RBFOX1: variants seen among roughly 807,000 people sequenced by gnomAD.
RBFOX1 encodes RNA binding fox-1 homolog 1, also known as RNA binding protein fox-1 homolog 1.
Under a neutral mutation model 57.7 loss-of-function variants are expected in RBFOX1, and 8 were observed. The observed-to-expected ratio is 0.14, with a 90% confidence interval of 0.08 to 0.25. RBFOX1 has a LOEUF of 0.25. Ranked by LOEUF, RBFOX1 falls within the 10% of genes least tolerant of loss-of-function variation. The pLI, the probability that RBFOX1 is intolerant of heterozygous loss-of-function variation, is 1.00. For synonymous variants in RBFOX1, 326 were observed against 222.4 expected (o/e 1.47, Z -4.15); for missense variants, 611 against 548.5 (o/e 1.11, Z -1.14).
chr16:7,098,003 G>A (rs540984673), intron 4 of RBFOX1, among the ~76,000 whole-genome samples: 1 of 152,180 alleles, frequency 6.6e-6, no homozygotes, highest in East Asian at 1.9e-4. Context: ...ATCTTCGAGG[G>A]CATTTGACTT....
chr16:5,269,441 C>T (rs1306278828), intron 1 of RBFOX1, among the ~76,000 whole-genome samples: 2 of 152,248 alleles, frequency 1.3e-5, no homozygotes, highest in African/African-American at 4.8e-5. Context: ...TAGCATCACT[C>T]CTAATAACCC....
At chr16:7,034,578 C>A (rs1365594485) in intron 3 of RBFOX1, among the ~76,000 whole-genome samples, 1 of 151,996 alleles carries the variant, frequency 6.6e-6, no homozygotes, top group Non-Finnish European at 1.5e-5. Flanking sequence ...ATTTTAACTT[C>A]TGTGAAATAT....
chr16:7,101,904 C>G (rs777284120), intron 4 of RBFOX1, among the ~76,000 whole-genome samples: 7 of 152,048 alleles, frequency 4.6e-5, no homozygotes, highest in Non-Finnish European at 1.0e-4. Context: ...GCATGGAGAC[C>G]AGGTGTTTAC....
intron 4 of RBFOX1, among the ~76,000 whole-genome samples, chr16:7,475,800 C>T (rs1179964989): frequency 6.6e-6 from 1 of 152,042 alleles, no homozygotes; most frequent in African/African-American, 2.4e-5. Flanking sequence ...AACAGAGCAC[C>T]TGAAAGTTAT....
At chr16:5,522,779 A>G (rs2044071805) in intron 2 of RBFOX1, among the ~76,000 whole-genome samples, 1 of 152,164 alleles carries the variant, frequency 6.6e-6, no homozygotes, top group Non-Finnish European at 1.5e-5. Context: ...AAATAGGAGT[A>G]AGAATGCGTC....
At chr16:5,552,123 C>T (rs2045489642) in intron 2 of RBFOX1, among the ~76,000 whole-genome samples, 1 of 152,128 alleles carries the variant, frequency 6.6e-6, no homozygotes, top group Non-Finnish European at 1.5e-5. Flanking sequence ...ATGTAGTCAG[C>T]CCAGTCTGGT....
At chr16:7,345,436 G>T (rs2096979350) in intron 4 of RBFOX1, among the ~76,000 whole-genome samples, 1 of 152,138 alleles carries the variant, frequency 6.6e-6, no homozygotes, top group Non-Finnish European at 1.5e-5. Context: ...CATGAATTTT[G>T]GTGGGGGCTT....
intron 3 of RBFOX1, among the ~76,000 whole-genome samples, chr16:6,794,991 A>G (rs12599685): frequency 0.099 from 15,121 of 152,114 alleles, 885 homozygotes; most frequent in African/African-American, 0.15. Context: ...TGAGGGCTAA[A>G]ATTCACATCT....
chr16:5,422,181 A>AGAGAGG (rs1175149606), intron 1 of RBFOX1, among the ~76,000 whole-genome samples: 3 of 150,896 alleles, frequency 2.0e-5, no homozygotes, highest in South Asian at 4.3e-4. Flanking sequence ...AGAGGAAGAG[A>AGAGAGG]GAGAGGGAGA....
At chr16:6,830,820 G>C (rs1016153583) in intron 3 of RBFOX1, among the ~76,000 whole-genome samples, 2 of 152,156 alleles carry the variant, frequency 1.3e-5, no homozygotes, top group Non-Finnish European at 2.9e-5. Flanking sequence ...GATAAAATCG[G>C]TGTTGACTTT....
Position 5,793,351 on chromosome 16 carries a change from A to G in RBFOX1, c.319-73952A>G, listed in dbSNP as rs138591439. On this transcript the variant is annotated intron_variant, in intron 3 of 19. Transcript: ENST00000641259. ...TCTTTTCTTGTTTTGTCAACATGCCATTGAAAAGGAAATGCAAACCTGAGC... is the reference window on the plus strand; with the variant it reads ...TCTTTTCTTGTTTTGTCAACATGCCGTTGAAAAGGAAATGCAAACCTGAGC... Among the ~76,000 whole-genome samples the G allele has an allele frequency of 7.9e-5, 12 of 152,332 alleles. No homozygotes were observed. The East Asian group carries it at 2.1e-3, about 27-fold the overall frequency.
At chr16:7,355,643 C>T (rs550016928) in intron 4 of RBFOX1, among the ~76,000 whole-genome samples, 7 of 152,340 alleles carry the variant, frequency 4.6e-5, no homozygotes, top group Admixed American at 4.6e-4. Context: ...TCCACTCTAT[C>T]ATTCTATATT....
intron 2 of RBFOX1, among the ~76,000 whole-genome samples, chr16:5,501,630 C>G (rs2043200969): frequency 6.6e-6 from 1 of 152,164 alleles, no homozygotes; most frequent in South Asian, 2.1e-4. Flanking sequence ...CTAAGTTGCT[C>G]AAATATTAAA....
intron 3 of RBFOX1, among the ~76,000 whole-genome samples, chr16:5,840,335 C>T (rs888650285): frequency 6.6e-6 from 1 of 152,148 alleles, no homozygotes; most frequent in East Asian, 1.9e-4. Context: ...TCTGAAGAGG[C>T]TGGAAAAACA....
chr16:7,664,924 T>C lies in RBFOX1; in HGVS notation c.891-5T>C. On this transcript the variant is annotated splice_polypyrimidine_tract_variant and splice_region_variant and intron_variant, in intron 12 of 15. Transcript: ENST00000550418. ...ATGTTTCTCTTTGTGTGTGCACCCT[T>C]GCAGTGTTGTTTACCAGGATGGATT... 1 of 1,613,948 alleles carries C rather than the reference T, an allele frequency of 6.2e-7. No individual in the cohort carries two copies. The highest frequency in any genetic ancestry group is 8.5e-7 in the Non-Finnish European group (1 of 1,179,842).
chr16:6,210,394 G>A, intron 1 of RBFOX1, among the ~76,000 whole-genome samples: 1 of 139,308 alleles, frequency 7.2e-6, no homozygotes, highest in Non-Finnish European at 1.6e-5. Context: ...AGGAAGGAAG[G>A]AAAGAAGGAA....
chr16:7,489,358 C>A (rs1317292468), intron 4 of RBFOX1, among the ~76,000 whole-genome samples: 2 of 152,168 alleles, frequency 1.3e-5, no homozygotes, highest in African/African-American at 2.4e-5. Context: ...CTTAAAATAG[C>A]AAATATTAAT....
intron 1 of RBFOX1, among the ~76,000 whole-genome samples, chr16:6,063,507 C>CACA (rs1555493205): frequency 0.067 from 3,168 of 47,106 alleles, 79 homozygotes; most frequent in African/African-American, 0.1. Context: ...ACACACACAC[C>CACA]CCCTTATATT....
intron 4 of RBFOX1, among the ~76,000 whole-genome samples, chr16:7,384,626 G>A (rs1568543482): frequency 6.6e-6 from 1 of 152,162 alleles, no homozygotes; most frequent in Non-Finnish European, 1.5e-5. Flanking sequence ...CAGCTTTGCA[G>A]GCCATGCCAA....
Sources: gnomAD v4.1 joint callset for allele counts (sites outside exome capture counted in the v4.1 genomes callset) on GRCh38, gnomAD v4.1.1 for gene constraint, MANE v1.5 for transcripts, NCBI Gene and HGNC (gene_info 2026-07-23, HGNC 2026-07-21) for gene names.